Variants in APP observed in about 807,000 individuals in gnomAD.
APP encodes the protein amyloid beta precursor protein.
A neutral mutation model predicts 101.4 loss-of-function variants in APP; 31 were observed. That is an observed-to-expected ratio of 0.31 (90% confidence interval 0.23 to 0.41). The LOEUF (loss-of-function observed/expected upper bound fraction) is 0.41, where lower values mean the gene tolerates loss of function less well. Ranked by LOEUF, APP falls within the 10% of genes least tolerant of loss-of-function variation. The probability of loss-of-function intolerance (pLI) is 1.00; values close to 1 mark genes in which losing one functional copy is unlikely to be tolerated. For missense variants in APP, 839 were observed against 1,003.7 expected (o/e 0.84, Z 2.22); for synonymous variants, 366 against 364.4 (o/e 1.00, Z -0.05).
At chr21:25,947,675 T>C (rs937162558) in intron 13 of APP, among the ~76,000 whole-genome samples, 8 of 151,954 alleles carry the variant, frequency 5.3e-5, no homozygotes, top group African/African-American at 1.9e-4. Flanking sequence ...ATGAAACCAA[T>C]GGGGGAACAA....
chr21:25,899,850 C>T (rs989855068), intron 15 of APP, among the ~76,000 whole-genome samples: 22 of 152,236 alleles, frequency 1.4e-4, no homozygotes, highest in African/African-American at 4.1e-4. Flanking sequence ...TGATCTATCT[C>T]GGGCTTTAAT....
chr21:25,951,026 C>A (rs2041052326), intron 13 of APP, among the ~76,000 whole-genome samples: 1 of 152,152 alleles, frequency 6.6e-6, no homozygotes, highest in Non-Finnish European at 1.5e-5. Context: ...GAATATGGCA[C>A]TGGGATTCAG....
intron 11 of APP, among the ~76,000 whole-genome samples, chr21:25,973,714 G>A (rs985451564): frequency 5.3e-5 from 8 of 151,996 alleles, no homozygotes; most frequent in Non-Finnish European, 1.2e-4. Context: ...AGGCCGAGGT[G>A]GGTGGATCAC....
chr21:25,891,690 C>T, intron 17 of APP, 32 bp downstream of exon 17: 1 of 1,610,898 alleles, frequency 6.2e-7, no homozygotes, highest in South Asian at 1.1e-5. Context: ...GTCTTAATTC[C>T]CACTTGGAAA....
chr21:25,950,239 CA>C (rs971334355), intron 13 of APP, among the ~76,000 whole-genome samples: 19 of 152,256 alleles, frequency 1.2e-4, no homozygotes, highest in African/African-American at 4.6e-4. Context: ...TAGTTGGTTA[CA>C]TGGTTGTCAC....
At chr21:25,956,955 C>T (rs399330) in intron 11 of APP, among the ~76,000 whole-genome samples, 140,563 of 152,262 alleles carry the variant, frequency 0.92, 64,936 homozygotes, top group Non-Finnish European at 0.93. Flanking sequence ...GTGAGATCCA[C>T]AGGGCTGGAT....
At position 25,925,414 on chromosome 21, in the gene APP, T is replaced by C. The variant is rs193263060; in HGVS notation, c.1688-13452A>G. On this transcript the variant is annotated intron_variant, in intron 13 of 17. Transcript: ENST00000346798. ...AGTCCCTTCGCTTTGAATCCTTTTG[T>C]CTGTACTCTTGCTACATGGGTGTTC... Among the ~76,000 whole-genome samples the C allele has an allele frequency of 1.8e-3, 273 of 152,328 alleles. 1 individual carries two copies. Among genetic ancestry groups the C allele is most frequent in the African/African-American group, 6.1e-3 (253 of 41,570 alleles).
intron 8 of APP, among the ~76,000 whole-genome samples, chr21:25,983,019 T>C (rs977486528): frequency 2.0e-5 from 3 of 152,092 alleles, no homozygotes; most frequent in East Asian, 1.9e-4. Context: ...ACAAAAGATA[T>C]ATAAACATCA....
intron 3 of APP, among the ~76,000 whole-genome samples, chr21:26,065,352 TAA>T (rs1029485792): frequency 2.0e-5 from 3 of 152,180 alleles, no homozygotes; most frequent in African/African-American, 7.2e-5. Context: ...GAACTAGAAT[TAA>T]AAAGAGCTTA....
At chr21:26,020,502 G>A (rs2044290876) in intron 6 of APP, among the ~76,000 whole-genome samples, 1 of 152,182 alleles carries the variant, frequency 6.6e-6, no homozygotes, top group African/African-American at 2.4e-5. Context: ...TATGAATATA[G>A]TTGAGGGAGA....
intron 5 of APP, among the ~76,000 whole-genome samples, chr21:26,035,732 A>C (rs1601283659): frequency 1.3e-5 from 2 of 152,136 alleles, no homozygotes; most frequent in African/African-American, 4.8e-5. Flanking sequence ...TTGGTGTGGG[A>C]GAAGAAAGCA....
At chr21:25,892,831 T>G (rs1326958988) in intron 16 of APP, among the ~76,000 whole-genome samples, 4 of 152,172 alleles carry the variant, frequency 2.6e-5, no homozygotes, top group African/African-American at 4.8e-5. Flanking sequence ...ATATAAGGAG[T>G]TGATCTTATG....
intron 1 of APP, among the ~76,000 whole-genome samples, chr21:26,129,418 T>G (rs2062748148): frequency 6.6e-6 from 1 of 151,294 alleles, no homozygotes; most frequent in African/African-American, 2.4e-5. Flanking sequence ...TGCAGTGAGC[T>G]GAGATCACAC....
intron 5 of APP, among the ~76,000 whole-genome samples, chr21:26,040,951 C>G (rs1355573667): frequency 2.6e-5 from 4 of 152,120 alleles, no homozygotes; most frequent in African/African-American, 9.7e-5. Flanking sequence ...CAAATGTTAC[C>G]TAGTAAACTA....
At chr21:25,973,837 G>A (rs1338480635) in intron 11 of APP, among the ~76,000 whole-genome samples, 1 of 151,542 alleles carries the variant, frequency 6.6e-6, no homozygotes, top group African/African-American at 2.4e-5. Context: ...GTACTTGGGA[G>A]GCTGAGGCAT....
intron 8 of APP, among the ~76,000 whole-genome samples, chr21:25,993,980 A>G (rs1380529371): frequency 1.3e-5 from 2 of 152,204 alleles, no homozygotes; most frequent in African/African-American, 4.8e-5. Flanking sequence ...TGTCAGCGCA[A>G]ATGAAGGAGC....
At chr21:26,092,177 A>T (rs2061839464) in intron 2 of APP, among the ~76,000 whole-genome samples, 1 of 152,162 alleles carries the variant, frequency 6.6e-6, no homozygotes, top group Non-Finnish European at 1.5e-5. Context: ...TTTGATTTTT[A>T]AAAATATTAC....
intron 14 of APP, among the ~76,000 whole-genome samples, chr21:25,910,713 A>G (rs972803342): frequency 6.6e-6 from 1 of 152,252 alleles, no homozygotes; most frequent in African/African-American, 2.4e-5. Flanking sequence ...TGAGGTACCA[A>G]AGGAAAAAAC....
At chr21:26,019,427 T>G (rs1019034441) in intron 6 of APP, among the ~76,000 whole-genome samples, 1 of 152,224 alleles carries the variant, frequency 6.6e-6, no homozygotes, top group Non-Finnish European at 1.5e-5. Flanking sequence ...TCAAATGTCA[T>G]GCTCTCCATG....
Sources: gnomAD v4.1 joint callset for allele counts (sites outside exome capture counted in the v4.1 genomes callset) on GRCh38, gnomAD v4.1.1 for gene constraint, MANE v1.5 for transcripts, NCBI Gene and HGNC (gene_info 2026-07-23, HGNC 2026-07-21) for gene names.